Variants in B4GALT7 observed in about 807,000 individuals in gnomAD.
B4GALT7 encodes the protein UDP-Gal:beta-GlcNAc beta-1,4-galactosyltransferase 7.
A neutral mutation model predicts 33.0 loss-of-function variants in B4GALT7; 30 were observed. The ratio of observed to expected loss-of-function variants is 0.91; its 90% CI spans 0.68 to 1.23. B4GALT7 has a LOEUF of 1.23. Among genes scored for constraint, B4GALT7 ranks in the 50% most tolerant of loss-of-function variants. The pLI is 0.00. For missense variants in B4GALT7, 507 were observed against 450.8 expected (o/e 1.12, Z -1.13); for synonymous variants, 213 against 187.2 (o/e 1.14, Z -1.13).
chr5:177,601,051 CAT>C (rs1208336523), intron 1 of B4GALT7, among the ~76,000 whole-genome samples: 1 of 152,208 alleles, frequency 6.6e-6, no homozygotes, highest in Non-Finnish European at 1.5e-5. Context: ...TCACAGAACA[CAT>C]GACTGGATCT....
rs1768131133 is a variant in B4GALT7 at position 177,609,926 on chromosome 5, G to A, written c.*231G>A. On this transcript the variant is annotated 3_prime_UTR_variant, in exon 6 of 6. Transcript: ENST00000029410. ...ACAGTGATCAGAGAGAGGCTGGGGT[G>A]TGTCCTGTCCGGGACCCCCCCTGCC... is the stretch of plus-strand genomic sequence containing the variant. The A allele has an allele frequency of 3.3e-6, 2 of 603,928 alleles. No homozygotes were observed. Among genetic ancestry groups the A allele is most frequent in the Non-Finnish European group, 2.9e-6 (1 of 339,688 alleles). The allele number at this position is 603,928 out of a possible 1,614,324, so 37.4% of individuals were successfully genotyped here.
Position 177,607,460 on chromosome 5 carries a change from A to C in B4GALT7, c.572A>C (p.His191Pro). 1.2e-6 allele frequency: 2 copies of C among 1,613,470 alleles called. No individual in the cohort carries two copies. The highest frequency in any genetic ancestry group is 1.7e-6 in the Non-Finnish European group (2 of 1,179,990). The change falls in exon 3 of 6, where the codon CAC becomes CCC. Residue 191 changes from histidine to proline, a missense_variant. Transcript: ENST00000029410. The part of the protein sequence containing the change: ...GPFHVASPEL[H>P]PLYHYKTYVG... The stretch of plus-strand genomic sequence containing the variant: ...TTCCACGTGGCCTCCCCGGAGCTCC[A>C]CCCTCTCTACCACTACAAGACCTAT...
intron 1 of B4GALT7, among the ~76,000 whole-genome samples, chr5:177,602,032 G>A (rs1288844521): frequency 1.3e-5 from 2 of 152,136 alleles, no homozygotes; most frequent in Non-Finnish European, 2.9e-5. Context: ...TTTCATGAAG[G>A]TGGGATATCA....
chr5:177,608,810 T>C lies in B4GALT7; in HGVS notation c.724-100T>C. 5.9e-6 allele frequency: 7 copies of C among 1,192,176 alleles called. No individual in the cohort carries two copies. The highest frequency in any genetic ancestry group is 8.7e-6 in the Non-Finnish European group (7 of 806,272). The allele number at this position is 1,192,176 out of a possible 1,614,324, so 73.8% of individuals were successfully genotyped here. A position where few individuals can be genotyped will look rare whatever the true frequency, so the allele number is the denominator to read the frequency against. ...GGCCCCAGTCTCCTCTCCTGCAGGCTGGGAGTGCAGGTCCCTTCCTGTGGG... is the reference window on the plus strand; with the variant it reads ...GGCCCCAGTCTCCTCTCCTGCAGGCCGGGAGTGCAGGTCCCTTCCTGTGGG... On this transcript the variant is annotated intron_variant, in intron 4 of 5. Coordinates refer to ENST00000029410, the MANE Select transcript of B4GALT7 (RefSeq NM_007255.3). The surrounding 1 kb of genome is among the most constrained non-coding windows in gnomAD (Gnocchi z 4.1).
chr5:177,600,469 C>T lies in B4GALT7; in HGVS notation c.50+209C>T, dbSNP rs1767816493. Among the ~76,000 whole-genome samples, 1 of 139,494 alleles carries T rather than the reference C, an allele frequency of 7.2e-6. No individual in the cohort carries two copies. The allele number at this position is 139,494 out of a possible 152,430, so 91.5% of individuals were successfully genotyped here. ...TGCCTCCCCCGCCCCCTCTCCCTTT[C>T]CGCGGCACTCGTCCTTCCCCCAGCA... On this transcript the variant is annotated intron_variant, in intron 1 of 5. Coordinates refer to ENST00000029410, the MANE Select transcript of B4GALT7 (RefSeq NM_007255.3). This position sits in a 1 kb window ranked among gnomAD's most constrained non-coding sequence, Gnocchi z 4.4.
chr5:177,604,249 C>T lies in B4GALT7; in HGVS notation c.121C>T (p.Leu41=). Residue 41 remains leucine (L), a synonymous_variant, in exon 2 of 6, where the codon CTG becomes TTG. Coordinates refer to ENST00000029410, the MANE Select transcript of B4GALT7 (RefSeq NM_007255.3). ...CCACCTGTTCGTGGCCTGCCTCTCG[C>T]TGGGCTTCTTCTCCCTACTCTGGCT... ...VFHLFVACLS[L]GFFSLLWLQL... The T allele has an allele frequency of 6.2e-7, 1 of 1,613,788 alleles. No homozygotes were observed. Among genetic ancestry groups the T allele is most frequent in the Non-Finnish European group, 8.5e-7 (1 of 1,179,926 alleles).
At position 177,608,497 on chromosome 5, in the gene B4GALT7, C is replaced by CG. The variant is rs748957108; in HGVS notation, c.640-42_640-41insG. On this transcript the variant is annotated intron_variant, in intron 3 of 5. Transcript: ENST00000029410. This position sits in a 1 kb window ranked among gnomAD's most constrained non-coding sequence, Gnocchi z 4.1. ...GGTAGGAGACCAAAGGCCCCCCCCCCCGGGAAGATGGGCCGAGTGACGCTG... is the reference window on the plus strand; with the variant it reads ...GGTAGGAGACCAAAGGCCCCCCCCCCGCGGGAAGATGGGCCGAGTGACGCTG... The CG allele has an allele frequency of 5.7e-6, 9 of 1,567,512 alleles. No homozygotes were observed. Among genetic ancestry groups the CG allele is most frequent in the Non-Finnish European group, 7.9e-6 (9 of 1,141,304 alleles).
rs1037982305 is a variant in B4GALT7 at position 177,606,120 on chromosome 5, C to CT, written c.414-1176dup. 3 of 152,288 alleles carry CT rather than the reference C, an allele frequency of 2.0e-5. No homozygotes were observed. The highest frequency in any genetic ancestry group is 4.8e-5 in the African/African-American group (2 of 41,460). The allele number at this position is 152,288 out of a possible 1,614,324, so 9.4% of individuals were successfully genotyped here. A position where few individuals can be genotyped will look rare whatever the true frequency, so the allele number is the denominator to read the frequency against. On this transcript the variant is annotated intron_variant, in intron 2 of 5. Transcript: ENST00000029410. The surrounding 1 kb of genome is among the most constrained non-coding windows in gnomAD (Gnocchi z 4.2). ...TGGACTCGGTGCTTCGGCAGCCCCC[C>CT]TTTTTTAACTCCAGGTGTTCCTTGG... is the stretch of plus-strand genomic sequence containing the variant.
intron 1 of B4GALT7, chr5:177,603,962 C>T (rs1354457739): frequency 3.3e-5 from 21 of 646,108 alleles, no homozygotes; most frequent in Middle Eastern, 4.3e-4. Flanking sequence ...GAGGGCTTCC[C>T]GAGAGCGGGT....
At chr5:177,603,473 T>C (rs1767894626) in intron 1 of B4GALT7, 2 of 571,096 alleles carry the variant, frequency 3.5e-6, no homozygotes, top group Admixed American at 6.4e-5. Context: ...GTGCCTGTGC[T>C]GTACCCAGCC....
rs1192122654 is a variant in B4GALT7 at position 177,608,182 on chromosome 5, A to AT, written c.640-357_640-356insT. 9.3e-6 allele frequency: 3 copies of AT among 322,430 alleles called. No homozygotes were observed. The East Asian group carries it at 2.3e-4, about 25-fold the overall frequency. The allele number at this position is 322,430 out of a possible 1,614,324, so 20.0% of individuals were successfully genotyped here. ...GTCATGGAACCCTGCTACCCCTCTC[A>AT]CACACACAGGAAGAGATGAGGGCAG... On this transcript the variant is annotated intron_variant, in intron 3 of 5. Transcript: ENST00000029410. This position sits in a 1 kb window ranked among gnomAD's most constrained non-coding sequence, Gnocchi z 4.1.
chr5:177,609,541 A>G lies in B4GALT7; in HGVS notation c.830A>G (p.Glu277Gly). The change falls in exon 6 of 6, where the codon GAG (glutamate) becomes GGG (glycine). Residue 277 changes from glutamate (E) to glycine (G), a missense_variant and splice_region_variant. Transcript: ENST00000029410. Reference protein sequence around the residue: ...DQKRIAAQKQEQFKVDREGGL... With the variant: ...DQKRIAAQKQGQFKVDREGGL... ...GCTCTTTCCTCTCTTCCTCCCCAGG[A>G]GCAGTTCAAGGTGGACAGGGAGGGA... 6.2e-7 allele frequency: 1 copy of G among 1,613,136 alleles called. No homozygotes were observed. Among genetic ancestry groups the G allele is most frequent in the East Asian group, 2.2e-5 (1 of 44,860 alleles).
At position 177,608,605 on chromosome 5, in the gene B4GALT7, A is replaced by G; in HGVS notation, c.706A>G (p.Lys236Glu). 6.2e-7 allele frequency: 1 copy of G among 1,613,714 alleles called. No homozygotes were observed. Among genetic ancestry groups the G allele is most frequent in the South Asian group, 1.1e-5 (1 of 91,062 alleles). The change falls in exon 4 of 6, where the codon AAG (lysine) becomes GAG (glutamate). Residue 236 changes from lysine to glutamate, a missense_variant. Coordinates refer to ENST00000029410, the MANE Select transcript of B4GALT7 (RefSeq NM_007255.3). The surrounding 1 kb of genome is among the most constrained non-coding windows in gnomAD (Gnocchi z 4.1). ...GGACGACGAGTTCTACCGGCGCATT[A>G]AGGGAGCTGGGCTCCAGGTGAGATT... ...REDDEFYRRI[K>E]GAGLQLFRPS...
At position 177,600,528 on chromosome 5, in the gene B4GALT7, A is replaced by G. The variant is rs745524725; in HGVS notation, c.50+268A>G. The stretch of plus-strand genomic sequence containing the variant: ...CCGGCCCGTGGGTCCGTATTTCTCC[A>G]TTGACTTCCCTTTGTGAGTTTCTGA... On this transcript the variant is annotated intron_variant, in intron 1 of 5. Transcript: ENST00000029410. The surrounding 1 kb of genome is among the most constrained non-coding windows in gnomAD (Gnocchi z 4.4). Among the ~76,000 whole-genome samples the G allele has an allele frequency of 1.6e-5, 2 of 128,382 alleles. No individual in the cohort carries two copies. Among genetic ancestry groups the G allele is most frequent in the African/African-American group, 6.1e-5 (2 of 32,574 alleles). The allele number at this position is 128,382 out of a possible 152,430, so 84.2% of individuals were successfully genotyped here. A position where few individuals can be genotyped will look rare whatever the true frequency, so the allele number is the denominator to read the frequency against.
chr5:177,601,664 G>T (rs1767855048), intron 1 of B4GALT7, among the ~76,000 whole-genome samples: 1 of 152,148 alleles, frequency 6.6e-6, no homozygotes, highest in Admixed American at 6.5e-5. Flanking sequence ...GAGCCAGCCT[G>T]CCTGGGTTTG....
chr5:177,604,073 G>C, intron 1 of B4GALT7, 106 bp from the exon 2 acceptor site: 1 of 1,506,534 alleles, frequency 6.6e-7, no homozygotes, highest in South Asian at 1.1e-5. Flanking sequence ...CAGGTGCTTG[G>C]GGTAGACGAG....
chr5:177,603,489 C>T, intron 1 of B4GALT7: 1 of 451,398 alleles, frequency 2.2e-6, no homozygotes, highest in Non-Finnish European at 2.9e-6. Flanking sequence ...CAGCCCTCAT[C>T]TTTCTTTCCC....
chr5:177,604,028 A>G (rs1767907894), intron 1 of B4GALT7, 151 bp from the exon 2 acceptor site: 2 of 1,129,612 alleles, frequency 1.8e-6, no homozygotes, highest in Non-Finnish European at 1.3e-6. Flanking sequence ...TAGTGGCATG[A>G]GCAGAAACAT....
intron 3 of B4GALT7, 84 bp downstream of exon 3, chr5:177,607,611 G>A (rs576621963): frequency 1.4e-4 from 194 of 1,362,280 alleles, no homozygotes; most frequent in Non-Finnish European, 1.9e-4. Flanking sequence ...CAGTGCCTCT[G>A]GGGCCCAGCA....
Sources: gnomAD v4.1 joint callset for allele counts (sites outside exome capture counted in the v4.1 genomes callset) on GRCh38, gnomAD v4.1.1 for gene constraint, Gnocchi (gnomAD v3.1) non-coding constraint, MANE v1.5 for transcripts, NCBI Gene and HGNC (gene_info 2026-07-23, HGNC 2026-07-21) for gene names.